SLC6A3: variants seen among roughly 807,000 people sequenced by gnomAD.
The protein encoded by SLC6A3 is solute carrier family 6 member 3, also known as sodium-dependent dopamine transporter.
Under a neutral mutation model 70.4 loss-of-function variants are expected in SLC6A3, and 19 were observed. That is an observed-to-expected ratio of 0.27 (90% CI 0.19 to 0.40). SLC6A3 has a LOEUF of 0.40. SLC6A3 is among the 10% of genes least tolerant of loss of function. SLC6A3 has a pLI of 1.00. For missense variants in SLC6A3, 613 were observed against 838.5 expected, an observed-to-expected ratio of 0.73 and a Z score of 3.32; for synonymous variants, 368 against 356.6, an observed-to-expected ratio of 1.03 and a Z score of -0.36.
chr5:1,421,731 A>T lies in SLC6A3; in HGVS notation c.792+145T>A. ...GAGTCTCCCAAACTCAACCATGGCCATGTGTCCACCCCAACCTGGCCATGG... is the reference window on the plus strand; with the variant it reads ...GAGTCTCCCAAACTCAACCATGGCCTTGTGTCCACCCCAACCTGGCCATGG... On this transcript the variant is annotated intron_variant, in intron 5 of 14. Transcript: ENST00000270349. The surrounding 1 kb of genome is among the most constrained non-coding windows in gnomAD (Gnocchi z 7.2). 2 of 868,442 alleles carry T rather than the reference A, an allele frequency of 2.3e-6. No individual in the cohort carries two copies. The highest frequency in any genetic ancestry group is 3.9e-6 in the Non-Finnish European group (2 of 515,000). The allele number at this position is 868,442 out of a possible 1,614,324, so 53.8% of individuals were successfully genotyped here. A position where few individuals can be genotyped will look rare whatever the true frequency, so the allele number is the denominator to read the frequency against.
chr5:1,443,851 T>TG (rs11564756), intron 1 of SLC6A3, among the ~76,000 whole-genome samples: 7,490 of 150,856 alleles, frequency 0.05, 237 homozygotes, highest in Middle Eastern at 0.086. Flanking sequence ...TTTGTGTGTG[T>TG]TTTTTTGTTG....
chr5:1,426,266 T>C lies in SLC6A3; in HGVS notation c.654-4252A>G, dbSNP rs547776378. Among the ~76,000 whole-genome samples, 6 of 152,256 alleles carry C rather than the reference T, an allele frequency of 3.9e-5. No individual in the cohort carries two copies. The South Asian group carries it at 1.2e-3, about 32-fold the overall frequency. On this transcript the variant is annotated intron_variant, in intron 4 of 14. Transcript: ENST00000270349. The stretch of plus-strand genomic sequence containing the variant: ...AAAGATAAATAGATCTGGCCAGGTG[T>C]GGTGGCTTACATTTGTAATTGCAGT...
intron 4 of SLC6A3, among the ~76,000 whole-genome samples, chr5:1,422,972 A>G (rs1294444263): frequency 7.8e-5 from 5 of 63,742 alleles, no homozygotes; most frequent in Admixed American, 3.5e-4. Context: ...CGCTGCCCAC[A>G]GTGCTGCCCA....
chr5:1,441,222 C>T, intron 3 of SLC6A3, 137 bp downstream of exon 3: 1 of 1,020,056 alleles, frequency 9.8e-7, no homozygotes, highest in South Asian at 1.3e-5. Context: ...GACCCAAGTT[C>T]AAGTGGCGTG....
intron 8 of SLC6A3, 111 bp downstream of exon 8, chr5:1,414,580 G>A (rs1364687417): frequency 3.8e-6 from 5 of 1,299,252 alleles, no homozygotes; most frequent in African/African-American, 1.5e-5. Context: ...TCTCACTGAA[G>A]TCGCTCAGGG....
intron 6 of SLC6A3, among the ~76,000 whole-genome samples, chr5:1,419,921 C>T (rs1756395516): frequency 1.3e-5 from 2 of 152,138 alleles, no homozygotes; most frequent in African/African-American, 4.8e-5. Flanking sequence ...CATCCCTTCT[C>T]CCCTTCCTTC....
In SLC6A3 at chr5:1,406,143, G is replaced by T. The variant is rs542787788; in HGVS notation, c.1599+45C>A. 9.8e-5 allele frequency: 137 copies of T among 1,395,634 alleles called. 2 individuals are homozygous for T. The South Asian group carries it at 1.4e-3, about 14-fold the overall frequency. The allele number at this position is 1,395,634 out of a possible 1,614,324, so 86.5% of individuals were successfully genotyped here. A position where few individuals can be genotyped will look rare whatever the true frequency, so the allele number is the denominator to read the frequency against. On this transcript the variant is annotated intron_variant, in intron 12 of 14. Transcript: ENST00000270349. The surrounding 1 kb of genome is among the most constrained non-coding windows in gnomAD (Gnocchi z 8.8). ...CCTCGGGGCAGGTGCCAGAGTGGGG[G>T]CAGTGGGCAGACGGGGGAAGGGCAG...
rs1275799220 is a variant in SLC6A3, at chr5:1,397,040, G to T, written c.1840-2282C>A. Among the ~76,000 whole-genome samples the T allele has an allele frequency of 2.6e-5, 4 of 152,078 alleles. No homozygotes were observed. Among genetic ancestry groups the T allele is most frequent in the African/African-American group, 9.7e-5 (4 of 41,386 alleles). ...TAATAATTTAAAAATGGCCACATGT[G>T]GATTAATGATAAGATGCGTTACTCA... On this transcript the variant is annotated intron_variant, in intron 14 of 14. Coordinates refer to ENST00000270349, the MANE Select transcript of SLC6A3 (RefSeq NM_001044.5). This position sits in a 1 kb window ranked among gnomAD's most constrained non-coding sequence, Gnocchi z 4.7.
chr5:1,428,803 G>A (rs1376894291), intron 4 of SLC6A3, among the ~76,000 whole-genome samples: 1 of 152,232 alleles, frequency 6.6e-6, no homozygotes, highest in Non-Finnish European at 1.5e-5. Context: ...TTCTGACTTA[G>A]GGCCCAGAAG....
chr5:1,410,945 C>T lies in SLC6A3; in HGVS notation c.1269+298G>A, dbSNP rs901313846. On this transcript the variant is annotated intron_variant, in intron 9 of 14. Coordinates refer to ENST00000270349, the MANE Select transcript of SLC6A3 (RefSeq NM_001044.5). ...GTTCGTGTATGTGTGTATGTGTGTGCGTGTATGTGTGTGTGTGCATGTGTG... is the reference window on the plus strand; with the variant it reads ...GTTCGTGTATGTGTGTATGTGTGTGTGTGTATGTGTGTGTGTGCATGTGTG... 7.3e-5 allele frequency among the ~76,000 whole-genome samples: 11 copies of T among 151,106 alleles called. No individual in the cohort carries two copies. The South Asian group carries it at 8.4e-4, about 12-fold the overall frequency.
In SLC6A3 at chr5:1,401,664, T is replaced by C. The variant is rs564930634; in HGVS notation, c.1768-678A>G. On this transcript the variant is annotated intron_variant, in intron 13 of 14. Transcript: ENST00000270349. This position sits in a 1 kb window ranked among gnomAD's most constrained non-coding sequence, Gnocchi z 6.1. ...TGTACCTGGCTCAGCTGCTGAGGTT[T>C]TACTTGGCTTACGTTCAGAGTTTGG... is the stretch of plus-strand genomic sequence containing the variant. Among the ~76,000 whole-genome samples the C allele has an allele frequency of 6.6e-6, 1 of 152,304 alleles. No individual in the cohort carries two copies. The highest frequency in any genetic ancestry group is 1.5e-5 in the Non-Finnish European group (1 of 68,016).
chr5:1,440,152 T>G (rs1756939702), intron 3 of SLC6A3, among the ~76,000 whole-genome samples: 1 of 152,104 alleles, frequency 6.6e-6, no homozygotes, highest in Non-Finnish European at 1.5e-5. Context: ...GGTCGATAGG[T>G]GGATGGATGG....
chr5:1,416,287 C>T (rs1485350513), intron 6 of SLC6A3, 86 bp from the exon 7 acceptor site: 1 of 927,226 alleles, frequency 1.1e-6, no homozygotes, highest in Non-Finnish European at 1.7e-6. Context: ...TGTCCCAGCC[C>T]CACACTGAGG....
intron 2 of SLC6A3, among the ~76,000 whole-genome samples, chr5:1,441,762 C>G (rs1242321316): frequency 6.6e-6 from 1 of 152,166 alleles, no homozygotes; most frequent in Admixed American, 6.5e-5. Context: ...AGGCCCTGCC[C>G]ATGCTCAGCG....
chr5:1,410,945 CGTGTATGTGTGTGT>C (rs146276801), intron 9 of SLC6A3, among the ~76,000 whole-genome samples: 2,117 of 151,102 alleles, frequency 0.014, 28 homozygotes, highest in Non-Finnish European at 0.021. Flanking sequence ...TATGTGTGTG[CGTGTATGTGTGTGT>C]GTGCATGTGT....
At chr5:1,414,539 T>G in intron 8 of SLC6A3, 152 bp downstream of exon 8, 1 of 594,912 alleles carries the variant, frequency 1.7e-6, no homozygotes, top group South Asian at 1.9e-5. Context: ...CTGGGATGTG[T>G]ACCACCATCC....
Position 1,394,594 on chromosome 5 carries a change from CT to C in SLC6A3, c.*140del, listed in dbSNP as rs1478950162. 8.2e-6 allele frequency: 7 copies of C among 858,390 alleles called. No homozygotes were observed. In the African/African-American group the frequency reaches 9.9e-5, roughly 12 times the overall value. The allele number at this position is 858,390 out of a possible 1,614,324, so 53.2% of individuals were successfully genotyped here. A position where few individuals can be genotyped will look rare whatever the true frequency, so the allele number is the denominator to read the frequency against. ...GTGTAAACAGTCAGAAGAGAGGAGT[CT>C]TCTGCTTTGTTGTTTGTGTTTTCAG... On this transcript the variant is annotated 3_prime_UTR_variant, in exon 15 of 15. Transcript: ENST00000270349. The surrounding 1 kb of genome is among the most constrained non-coding windows in gnomAD (Gnocchi z 4.7).
In SLC6A3 at chr5:1,432,571, G is replaced by A. The variant is rs28364996; in HGVS notation, c.546C>T (p.Asn182=). The change falls in exon 4 of 15, where the codon AAC becomes AAT. Residue 182 remains asparagine, a synonymous_variant. Coordinates refer to ENST00000270349, the MANE Select transcript of SLC6A3 (RefSeq NM_001044.5). ...CCGAGCAGTTGGGGCTGTTCCAGGA[G>A]TTGTTGCAGTGGATCCAGGGGAGCT... is the stretch of plus-strand genomic sequence containing the variant. ...TTELPWIHCN[N]SWNSPNCSDA... The A allele has an allele frequency of 3.6e-3, 5,867 of 1,614,252 alleles. 48 individuals carry two copies. Among genetic ancestry groups the A allele is most frequent in the Non-Finnish European group, 3.1e-3 (3,697 of 1,180,034 alleles).
chr5:1,435,105 A>G, intron 3 of SLC6A3, among the ~76,000 whole-genome samples: 1 of 152,084 alleles, frequency 6.6e-6, no homozygotes, highest in South Asian at 2.1e-4. Flanking sequence ...TCTGTATTGC[A>G]GTCTGTCACG....
Sources: allele counts gnomAD v4.1 joint callset (sites outside exome capture counted in the v4.1 genomes callset), GRCh38; gene constraint gnomAD v4.1.1; non-coding constraint Gnocchi (gnomAD v3.1); transcripts MANE v1.5; gene names NCBI Gene and HGNC (gene_info 2026-07-23, HGNC 2026-07-21).